Variants in IRX2 observed in about 807,000 individuals in gnomAD.
IRX2 encodes iroquois-class homeodomain protein IRX-2.
Under a neutral mutation model 42.9 loss-of-function variants are expected in IRX2, and 26 were observed. That is an observed-to-expected ratio of 0.61 (90% confidence interval 0.44 to 0.84). The LOEUF is 0.84. Among genes scored for constraint, IRX2 ranks in the 40% least tolerant of loss-of-function variants. The pLI, the probability that IRX2 is intolerant of heterozygous loss-of-function variation, is 0.00. For synonymous variants in IRX2, 424 were observed against 353.9 expected, an observed-to-expected ratio of 1.20 and a Z score of -2.22; for missense variants, 782 against 713.9, an observed-to-expected ratio of 1.10 and a Z score of -1.09.
At chr5:2,748,065 T>C (rs1222907705) in intron 3 of IRX2, among the ~76,000 whole-genome samples, 1 of 152,164 alleles carries the variant, frequency 6.6e-6, no homozygotes, top group Non-Finnish European at 1.5e-5. Context: ...TTGAATTTCG[T>C]GGCAATCTGG....
At chr5:2,744,073 CGTGTGTGTGTGTGTGTGT>C (rs10547927), downstream of IRX2, among the ~76,000 whole-genome samples, 129 of 140,168 alleles carry the variant, frequency 9.2e-4, 2 homozygotes, top group Admixed American at 1.9e-3. Context: ...AGAATGGAGT[CGTGTGTGTGTGTGTGTGT>C]GTGTGTGTGT....
Position 2,749,694 on chromosome 5 carries a change from G to A in IRX2, c.343C>T (p.Pro115Ser). Reference protein sequence around the residue: ...SAAYPYQLNDPAYRKNATRDA... With the variant: ...SAAYPYQLNDSAYRKNATRDA... ...CGCGTGGCGTTCTTGCGGTACGCGG[G>A]GTCGTTGAGCTGGTACGGGTAGGCC... The change falls in exon 2 of 4, where the codon CCC becomes TCC. Residue 115 changes from proline (P) to serine (S), a missense_variant. Around this residue, in one of 3 missense-constraint regions of IRX2, gnomAD observed 256 missense variants for 250.0 expected, o/e 1.02. Coordinates refer to ENST00000302057, the MANE Select transcript of IRX2 (RefSeq NM_033267.5). The A allele has an allele frequency of 6.2e-7, 1 of 1,614,168 alleles. No homozygotes were observed. The highest frequency in any genetic ancestry group is 8.5e-7 in the Non-Finnish European group (1 of 1,180,028).
the IRX2 span, among the ~76,000 whole-genome samples, chr5:2,739,664 C>T: frequency 1.1e-4 from 17 of 152,322 alleles, no homozygotes; most frequent in Middle Eastern, 3.4e-3. Context: ...GTCCTGAACC[C>T]GGGCCGGGCG....
downstream of IRX2, among the ~76,000 whole-genome samples, chr5:2,742,036 G>C (rs1737556168): frequency 6.6e-6 from 1 of 152,136 alleles, no homozygotes; most frequent in African/African-American, 2.4e-5. Flanking sequence ...GAAAGAGAGA[G>C]AACACTCTGC....
rs1737839859 is a variant in IRX2, at chr5:2,749,413, C to T, written c.624G>A (p.Gln208=). ...CCTCTGCCGAGGTCTCCGTGCCCTC[C>T]TGCGCCTTGTCGGGACTCTCGTCCT... The part of the protein sequence containing the change: ...RSKDESPDKA[Q]EGTETSAEDE... Residue 208 remains glutamine, a synonymous_variant, in exon 2 of 4, where the codon CAG becomes CAA. Transcript: ENST00000302057. 6.2e-7 allele frequency: 1 copy of T among 1,613,998 alleles called. No individual in the cohort carries two copies. Among genetic ancestry groups the T allele is most frequent in the Non-Finnish European group, 8.5e-7 (1 of 1,179,962 alleles).
At chr5:2,740,724 G>A in the IRX2 span, among the ~76,000 whole-genome samples, 82 of 152,164 alleles carry the variant, frequency 5.4e-4, no homozygotes, top group Admixed American at 3.5e-3. Flanking sequence ...AAGGTGGCCC[G>A]GAACCCCGGG....
At position 2,751,045 on chromosome 5, in the gene IRX2, A is replaced by G. The variant is rs1304578034; in HGVS notation, c.249+120T>C. On this transcript the variant is annotated intron_variant, in intron 1 of 3. Coordinates refer to ENST00000302057, the MANE Select transcript of IRX2 (RefSeq NM_033267.5). The surrounding 1 kb of genome is among the most constrained non-coding windows in gnomAD (Gnocchi z 4.0). ...CGGCCAACCGAGCCGGCGACTCCTGAGTCGCCAGCCGCGCCACATTCCCGG... is the reference window on the plus strand; with the variant it reads ...CGGCCAACCGAGCCGGCGACTCCTGGGTCGCCAGCCGCGCCACATTCCCGG... 8.9e-7 allele frequency: 1 copy of G among 1,124,992 alleles called. No individual in the cohort carries two copies. Among genetic ancestry groups the G allele is most frequent in the Non-Finnish European group, 1.1e-6 (1 of 907,202 alleles). 69.7% of individuals were successfully genotyped at this position (1,124,992 alleles called of 1,614,324 possible).
Position 2,748,652 on chromosome 5 carries a change from CG to C in IRX2, c.1055del (p.Pro352ArgfsTer47). 1 of 1,386,430 alleles carries C rather than the reference CG, an allele frequency of 7.2e-7. No homozygotes were observed. Among genetic ancestry groups the C allele is most frequent in the Non-Finnish European group, 9.3e-7 (1 of 1,073,230 alleles). The allele number at this position is 1,386,430 out of a possible 1,614,324, so 85.9% of individuals were successfully genotyped here. A position where few individuals can be genotyped will look rare whatever the true frequency, so the allele number is the denominator to read the frequency against. ...QPSLGPGCGP[P>X]GLPAAAAPAS... ...CCGGCGCGGCGGCCGCGGGCAGCCC[CG>C]GTGGCCCGCAGCCCGGGCCCAGGCT... is the stretch of plus-strand genomic sequence containing the variant. On this transcript the variant is annotated frameshift_variant, in exon 3 of 4. Coordinates refer to ENST00000302057, the MANE Select transcript of IRX2 (RefSeq NM_033267.5). LOFTEE classifies it high-confidence loss of function.
At position 2,748,904 on chromosome 5, in the gene IRX2, G is replaced by GTCC. The variant is rs764049225; in HGVS notation, c.801_803dup (p.Glu267dup). 9 of 1,595,768 alleles carry GTCC rather than the reference G, an allele frequency of 5.6e-6. No individual in the cohort carries two copies. In the Admixed American group the frequency reaches 1.5e-4, roughly 27 times the overall value. ...GGCCCCGCTCGCCCTCCTCGTCGTC[G>GTCC]TCCTCGTCGTCCTCCAGGTCGTCAT... On this transcript the variant is annotated inframe_insertion, in exon 3 of 4. Coordinates refer to ENST00000302057, the MANE Select transcript of IRX2 (RefSeq NM_033267.5).
At chr5:2,736,098 A>G in the IRX2 span, among the ~76,000 whole-genome samples, 15 of 152,152 alleles carry the variant, frequency 9.9e-5, no homozygotes, top group Admixed American at 3.3e-4. Context: ...GGTTCCTAAC[A>G]TCTAGTGCAG....
At chr5:2,743,761 CTT>C (rs1737597498), downstream of IRX2, among the ~76,000 whole-genome samples, 1 of 152,072 alleles carries the variant, frequency 6.6e-6, no homozygotes, top group South Asian at 2.1e-4. Flanking sequence ...ATATCTCTCT[CTT>C]TCTCTCTCCT....
In IRX2 at chr5:2,748,846, G is replaced by C. The variant is rs529920360; in HGVS notation, c.862C>G (p.Leu288Val). The C allele has an allele frequency of 6.3e-7, 1 of 1,576,922 alleles. No individual in the cohort carries two copies. The highest frequency in any genetic ancestry group is 2.3e-5 in the East Asian group (1 of 42,562). Residue 288 changes from leucine (L) to valine (V), a missense_variant, in exon 3 of 4, where the codon CTT becomes GTT. Around this residue, in one of 3 missense-constraint regions of IRX2, gnomAD observed 520 missense variants for 437.8 expected, o/e 1.19. Transcript: ENST00000302057. Reference sequence around the variant, plus strand: ...AGCAGCGGCGCCTCCAAGCCGGTAAGCGGCGACGAGGTCACGGGCTTGGGC... The same window carrying C: ...AGCAGCGGCGCCTCCAAGCCGGTAACCGGCGACGAGGTCACGGGCTTGGGC... ...APPKPVTSSPLTGLEAPLLSP... is the reference protein window; with the variant it reads ...APPKPVTSSPVTGLEAPLLSP...
rs143852205 is a variant in IRX2, at chr5:2,748,487, G to A, written c.1221C>T (p.Leu407=). ...NLNAALQGQG[L]LRYNSAAAAP... ...CCGCGGCCGCAGAGTTGTACCGCAG[G>A]AGACCCTGGCCCTGCAGCGCCGCGT... Residue 407 remains leucine (L), a synonymous_variant, in exon 3 of 4, where the codon CTC becomes CTT. Coordinates refer to ENST00000302057, the MANE Select transcript of IRX2 (RefSeq NM_033267.5). 7.0e-6 allele frequency: 11 copies of A among 1,579,930 alleles called. No homozygotes were observed. The African/African-American group carries it at 1.5e-4, about 22-fold the overall frequency.
chr5:2,739,871 G>A, the IRX2 span, among the ~76,000 whole-genome samples: 1 of 152,176 alleles, frequency 6.6e-6, no homozygotes. Flanking sequence ...GGTCAGGGCG[G>A]GAGGAACCCG....
At chr5:2,746,103 G>T (rs1737655901), downstream of IRX2, 1 of 151,326 alleles carries the variant, frequency 6.6e-6, no homozygotes, top group African/African-American at 2.4e-5. Context: ...TCACCTGGAG[G>T]TTATTCACTA....
At position 2,751,281 on chromosome 5, in the gene IRX2, A is replaced by G; in HGVS notation, c.133T>C (p.Phe45Leu). The G allele has an allele frequency of 7.0e-7, 1 of 1,427,698 alleles. No individual in the cohort carries two copies. The highest frequency in any genetic ancestry group is 9.2e-7 in the Non-Finnish European group (1 of 1,090,890). The allele number at this position is 1,427,698 out of a possible 1,614,324, so 88.4% of individuals were successfully genotyped here. A position where few individuals can be genotyped will look rare whatever the true frequency, so the allele number is the denominator to read the frequency against. ...ELARSASGSA[F>L]SPYPGSAAFT... The stretch of plus-strand genomic sequence containing the variant: ...GCCGCCGAGCCCGGGTAGGGGCTGA[A>G]CGCCGAGCCCGACGCCGAGCGCGCC... The change falls in exon 1 of 4, where the codon TTC becomes CTC. Residue 45 changes from phenylalanine to leucine, a missense_variant. Transcript: ENST00000302057. This position sits in a 1 kb window ranked among gnomAD's most constrained non-coding sequence, Gnocchi z 4.0.
chr5:2,749,307 C>T (rs531824095), intron 2 of IRX2, 75 bp downstream of exon 2: 1 of 1,518,060 alleles, frequency 6.6e-7, no homozygotes, highest in Admixed American at 2.2e-5. Context: ...CGGGCAACGT[C>T]CTCCCCGCCT....
the IRX2 span, among the ~76,000 whole-genome samples, chr5:2,740,235 TC>T: frequency 1.3e-5 from 2 of 151,476 alleles, no homozygotes; most frequent in African/African-American, 4.9e-5. Flanking sequence ...GTCTGCGGCC[TC>T]CCTGGCCGTC....
rs1488597484 is a variant in IRX2, at chr5:2,746,230, A to C, written c.*1334T>G. The stretch of plus-strand genomic sequence containing the variant: ...TAAATTAGTAAAGAATTCGTGTTAA[A>C]CAACCAACAAAGATTGTATAACCAG... On this transcript the variant is annotated 3_prime_UTR_variant, in exon 4 of 4. Coordinates refer to ENST00000302057, the MANE Select transcript of IRX2 (RefSeq NM_033267.5). The C allele has an allele frequency of 6.6e-6, 1 of 152,206 alleles. No homozygotes were observed. The highest frequency in any genetic ancestry group is 1.5e-5 in the Non-Finnish European group (1 of 68,030). The allele number at this position is 152,206 out of a possible 1,614,324, so 9.4% of individuals were successfully genotyped here.
Sources: allele counts gnomAD v4.1 joint callset (sites outside exome capture counted in the v4.1 genomes callset), GRCh38; gene constraint gnomAD v4.1.1; regional missense constraint gnomAD v4.1.1; non-coding constraint Gnocchi (gnomAD v3.1); transcripts MANE v1.5; gene names NCBI Gene and HGNC (gene_info 2026-07-23, HGNC 2026-07-21).